Variants in CDC14B observed in about 807,000 individuals in gnomAD.
CDC14B encodes cell division cycle 14B.
CDC14B carries 22 observed loss-of-function variants against 64.2 expected under a neutral mutation model. The ratio of observed to expected loss-of-function variants is 0.34; its 90% CI spans 0.24 to 0.49. The LOEUF is 0.49. Among genes scored for constraint, CDC14B ranks in the 20% least tolerant of loss-of-function variants. The pLI is 0.99. For synonymous variants in CDC14B, 191 were observed against 215.8 expected (o/e 0.89, Z 1.01); for missense variants, 498 against 629.9 (o/e 0.79, Z 2.24).
rs1376452710 is a variant in CDC14B at position 96,515,600 on chromosome 9, C to T, written c.1344-5811G>A. 6.7e-7 allele frequency: 1 copy of T among 1,494,462 alleles called. No homozygotes were observed. The highest frequency in any genetic ancestry group is 2.6e-5 in the East Asian group (1 of 38,916). 92.6% of individuals were successfully genotyped at this position (1,494,462 alleles called of 1,614,324 possible). ...AAAAACATGCATTGTGGGAACCACA[C>T]TAGGCACCAGAAGTAAGCAACGGCA... On this transcript the variant is annotated intron_variant, in intron 12 of 13. Transcript: ENST00000375241. This position sits in a 1 kb window ranked among gnomAD's most constrained non-coding sequence, Gnocchi z 4.3.
At chr9:96,589,030 C>T (rs1845624832) in intron 1 of CDC14B, among the ~76,000 whole-genome samples, 1 of 152,048 alleles carries the variant, frequency 6.6e-6, no homozygotes, top group Non-Finnish European at 1.5e-5. Context: ...AAGTATTAAA[C>T]ATTTTGATTA....
At position 96,500,803 on chromosome 9, in the gene CDC14B, C is replaced by T. The variant is rs1771608305; in HGVS notation, c.*2950G>A. On this transcript the variant is annotated 3_prime_UTR_variant, in exon 14 of 14. Transcript: ENST00000375241. ...CAGACATCCAATGAGTGCACTGCTT[C>T]TGTGGCTCCAAAGGTGACTGGGAAA... 6.6e-6 allele frequency: 1 copy of T among 152,232 alleles called. No individual in the cohort carries two copies. The highest frequency in any genetic ancestry group is 2.1e-4 in the South Asian group (1 of 4,828). The allele number at this position is 152,232 out of a possible 1,614,324, so 9.4% of individuals were successfully genotyped here.
At chr9:96,547,055 C>T (rs1841020084) in intron 5 of CDC14B, among the ~76,000 whole-genome samples, 1 of 151,378 alleles carries the variant, frequency 6.6e-6, no homozygotes, top group Non-Finnish European at 1.5e-5. Flanking sequence ...GAGCAAGACT[C>T]CGACTCAAAA....
At chr9:96,616,063 C>T (rs956615384) in intron 1 of CDC14B, among the ~76,000 whole-genome samples, 2 of 152,200 alleles carry the variant, frequency 1.3e-5, no homozygotes, top group South Asian at 2.1e-4. Flanking sequence ...CGGTGGCTCA[C>T]GCCTGTAACC....
chr9:96,521,202 T>C (rs921211401), intron 12 of CDC14B, among the ~76,000 whole-genome samples: 1 of 152,050 alleles, frequency 6.6e-6, no homozygotes, highest in African/African-American at 2.4e-5. Flanking sequence ...CCCGAGTAGC[T>C]GGGATCCTAT....
intron 1 of CDC14B, among the ~76,000 whole-genome samples, chr9:96,570,893 G>A (rs56296527): frequency 0.048 from 7,242 of 152,226 alleles, 585 homozygotes; most frequent in African/African-American, 0.17. Context: ...GATCTGAAGC[G>A]TAAGATTAAG....
chr9:96,551,552 T>C (rs778928654), intron 5 of CDC14B, among the ~76,000 whole-genome samples: 4 of 152,038 alleles, frequency 2.6e-5, no homozygotes, highest in African/African-American at 4.8e-5. Flanking sequence ...AGAGTGGGTG[T>C]GGGGATTTTA....
chr9:96,535,791 C>A (rs1326183988), intron 7 of CDC14B, among the ~76,000 whole-genome samples: 1 of 138,030 alleles, frequency 7.2e-6, no homozygotes, highest in East Asian at 1.9e-4. Flanking sequence ...AAGGTCTAAA[C>A]AGCCGGGTGC....
At position 96,614,259 on chromosome 9, in the gene CDC14B, G is replaced by C. The variant is rs148221302; in HGVS notation, c.160+4960C>G. ...TTTTCTTTCTTTTTTTTTTTGAGAC[G>C]GAGTTTCACTATGTCTCTTTTGCCC... On this transcript the variant is annotated intron_variant, in intron 1 of 13. Transcript: ENST00000375241. 7.1e-3 allele frequency among the ~76,000 whole-genome samples: 1,059 copies of C among 149,470 alleles called. 17 individuals are homozygous for C. Among genetic ancestry groups the C allele is most frequent in the African/African-American group, 0.025 (1,011 of 40,574 alleles).
At chr9:96,571,178 AAT>A (rs1844446515) in intron 1 of CDC14B, among the ~76,000 whole-genome samples, 1 of 150,604 alleles carries the variant, frequency 6.6e-6, no homozygotes, top group African/African-American at 2.5e-5. Context: ...ACGAAAAAAA[AAT>A]TTTTTTTTTT....
intron 12 of CDC14B, among the ~76,000 whole-genome samples, chr9:96,517,643 C>CAAAA (rs1016405679): frequency 0.013 from 434 of 34,532 alleles, 32 homozygotes; most frequent in African/African-American, 0.057. Flanking sequence ...GACTCCGTCT[C>CAAAA]AAAAAAAAAA....
chr9:96,569,201 C>T (rs1426340617), intron 1 of CDC14B, among the ~76,000 whole-genome samples: 1 of 152,204 alleles, frequency 6.6e-6, no homozygotes, highest in African/African-American at 2.4e-5. Flanking sequence ...AGTCAACTTG[C>T]AGGCTAACAG....
At position 96,619,304 on chromosome 9, in the gene CDC14B, C is replaced by G. The variant is rs763579443; in HGVS notation, c.75G>C (p.Ser25=). Residue 25 remains serine, a synonymous_variant, in exon 1 of 14, where the codon TCG becomes TCC. Transcript: ENST00000375241. The stretch of plus-strand genomic sequence containing the variant: ...AGCTGCGGATCTTCTTCACACCCGG[C>G]GAGGTCGACGAGCAGCGCCGCGAGC... ...PPCSRRCSST[S]PGVKKIRSST... is the part of the protein sequence containing the mutation. 1 of 1,315,062 alleles carries G rather than the reference C, an allele frequency of 7.6e-7. No individual in the cohort carries two copies. The highest frequency in any genetic ancestry group is 3.1e-5 in the Admixed American group (1 of 31,798). 81.5% of individuals were successfully genotyped at this position (1,315,062 alleles called of 1,614,324 possible). A position where few individuals can be genotyped will look rare whatever the true frequency, so the allele number is the denominator to read the frequency against.
intron 4 of CDC14B, 66 bp downstream of exon 4, chr9:96,562,627 A>G: frequency 2.0e-6 from 2 of 1,022,624 alleles, no homozygotes; most frequent in South Asian, 1.3e-5. Context: ...CAAAATTCCA[A>G]CTGCAAATGT....
rs1190166784 is a variant in CDC14B, at chr9:96,500,415, C to T, written c.*3338G>A. 1 of 152,598 alleles carries T rather than the reference C, an allele frequency of 6.6e-6. No individual in the cohort carries two copies. Among genetic ancestry groups the T allele is most frequent in the African/African-American group, 2.4e-5 (1 of 41,440 alleles). 9.5% of individuals were successfully genotyped at this position (152,598 alleles called of 1,614,324 possible). A position where few individuals can be genotyped will look rare whatever the true frequency, so the allele number is the denominator to read the frequency against. On this transcript the variant is annotated 3_prime_UTR_variant, in exon 14 of 14. Coordinates refer to ENST00000375241, the MANE Select transcript of CDC14B (RefSeq NM_033331.4). The stretch of plus-strand genomic sequence containing the variant: ...GTTACATTTTAAAACTTTTAATAAT[C>T]TGTACATGAGTGCAGGTTAGATAAA...
chr9:96,595,340 C>T (rs1184595761), intron 1 of CDC14B, among the ~76,000 whole-genome samples: 4 of 152,128 alleles, frequency 2.6e-5, no homozygotes, highest in Non-Finnish European at 5.9e-5. Context: ...CAAAGACTGC[C>T]AGGCATACAA....
chr9:96,538,226 C>T (rs550680277), intron 7 of CDC14B, among the ~76,000 whole-genome samples: 1 of 152,212 alleles, frequency 6.6e-6, no homozygotes, highest in East Asian at 1.9e-4. Flanking sequence ...TACTAAAATA[C>T]ATTTAAACTA....
At chr9:96,555,063 A>G (rs1564324615) in intron 4 of CDC14B, among the ~76,000 whole-genome samples, 1 of 152,176 alleles carries the variant, frequency 6.6e-6, no homozygotes, top group Non-Finnish European at 1.5e-5. Flanking sequence ...GGAAACAACA[A>G]ATGATGACCA....
chr9:96,535,379 T>G (rs1839142250), intron 7 of CDC14B, among the ~76,000 whole-genome samples: 1 of 152,184 alleles, frequency 6.6e-6, no homozygotes, highest in Non-Finnish European at 1.5e-5. Flanking sequence ...ATTACAAGTA[T>G]ACCAAGATCA....
Sources: gnomAD v4.1 joint callset for allele counts (sites outside exome capture counted in the v4.1 genomes callset) on GRCh38, gnomAD v4.1.1 for gene constraint, Gnocchi (gnomAD v3.1) non-coding constraint, MANE v1.5 for transcripts, NCBI Gene and HGNC (gene_info 2026-07-23, HGNC 2026-07-21) for gene names.